Variants in HIBCH observed in about 807,000 individuals in gnomAD.
The protein encoded by HIBCH is 3-hydroxyisobutyryl-CoA hydrolase.
HIBCH carries 50 observed loss-of-function variants against 58.2 expected under a neutral mutation model. That is an observed-to-expected ratio of 0.86 (90% CI 0.68 to 1.09). The LOEUF (loss-of-function observed/expected upper bound fraction) is 1.09. Ranked by LOEUF, HIBCH falls within the 50% of genes least tolerant of loss-of-function variation. HIBCH has a pLI of 0.00. For missense variants in HIBCH, 450 were observed against 449.7 expected, an observed-to-expected ratio of 1.00 and a Z score of -0.01; for synonymous variants, 151 against 146.9, an observed-to-expected ratio of 1.03 and a Z score of -0.20.
chr2:190,245,989 CAAAAAAAAAAAAA>C (rs527873173), intron 10 of HIBCH, among the ~76,000 whole-genome samples, 152 bp downstream of exon 10: 1 of 60,276 alleles, frequency 1.7e-5, no homozygotes, highest in East Asian at 4.8e-4. Context: ...GACTCTGTCT[CAAAAAAAAAAAAA>C]AAAAAAGGAA....
At chr2:190,280,051 G>C (rs1382610473) in intron 6 of HIBCH, 1 of 151,850 alleles carries the variant, frequency 6.6e-6, no homozygotes, top group Non-Finnish European at 1.5e-5. Context: ...AGTAAAAATG[G>C]CCTGGCTGAG....
chr2:190,250,726 G>C (rs913275387), intron 8 of HIBCH, among the ~76,000 whole-genome samples: 2 of 152,094 alleles, frequency 1.3e-5, no homozygotes, highest in African/African-American at 4.8e-5. Context: ...TGATAGAAAG[G>C]CCTTCATAAC....
intron 13 of HIBCH, among the ~76,000 whole-genome samples, chr2:190,205,558 C>G (rs1690370331): frequency 6.6e-6 from 1 of 152,086 alleles, no homozygotes; most frequent in Admixed American, 6.6e-5. Flanking sequence ...GAAACCTCCA[C>G]ATTACAAAAC....
intron 9 of HIBCH, 51 bp downstream of exon 9, chr2:190,249,589 C>T: frequency 9.5e-7 from 1 of 1,050,474 alleles, no homozygotes; most frequent in Non-Finnish European, 1.5e-6. Flanking sequence ...TTTTTAATCA[C>T]TTCCCCTCCC....
chr2:190,263,203 T>C (rs1687141842), intron 6 of HIBCH, among the ~76,000 whole-genome samples: 2 of 152,212 alleles, frequency 1.3e-5, no homozygotes, highest in South Asian at 4.1e-4. Context: ...GCTAATTTTA[T>C]ACAGATTCAT....
chr2:190,248,671 G>A (rs1432600181), intron 9 of HIBCH, among the ~76,000 whole-genome samples: 1 of 152,008 alleles, frequency 6.6e-6, no homozygotes, highest in Non-Finnish European at 1.5e-5. Flanking sequence ...AAACCAGCCT[G>A]GCCAACATGG....
intron 9 of HIBCH, among the ~76,000 whole-genome samples, chr2:190,248,921 T>C (rs112266282): frequency 2.0e-5 from 3 of 152,044 alleles, no homozygotes; most frequent in South Asian, 2.1e-4. Flanking sequence ...TTCTGCCCCA[T>C]TCTACACCCT....
Position 190,317,887 on chromosome 2 carries a change from G to GCC in HIBCH, c.35+1828_35+1829insGG, listed in dbSNP as rs1688746563. Among the ~76,000 whole-genome samples the GCC allele has an allele frequency of 2.0e-5, 3 of 148,542 alleles. No individual in the cohort carries two copies. In the South Asian group the frequency reaches 6.5e-4, roughly 32 times the overall value. ...CGCCCAGGCTGGAGTGCAGTGGCATGATCTCGGCTCACTGCAACCTCCCCC... is the reference window on the plus strand; with the variant it reads ...CGCCCAGGCTGGAGTGCAGTGGCATGCCATCTCGGCTCACTGCAACCTCCCCC... On this transcript the variant is annotated intron_variant, in intron 1 of 13. Transcript: ENST00000359678.
At chr2:190,220,156 G>A (rs973607760) in intron 11 of HIBCH, 1 of 152,204 alleles carries the variant, frequency 6.6e-6, no homozygotes, top group Admixed American at 6.5e-5. Flanking sequence ...ATGTATCTAT[G>A]ATCGTGACTT....
intron 11 of HIBCH, chr2:190,213,483 A>G (rs1056681135): frequency 9.7e-6 from 2 of 206,486 alleles, no homozygotes; most frequent in Admixed American, 5.4e-5. Context: ...AGGTCAGCAA[A>G]CTACAGAAGA....
chr2:190,242,876 C>T (rs983135980), intron 11 of HIBCH, among the ~76,000 whole-genome samples: 2 of 152,146 alleles, frequency 1.3e-5, no homozygotes, highest in Non-Finnish European at 2.9e-5. Context: ...TTAAGTACTG[C>T]TAACTTTATG....
chr2:190,224,334 C>A (rs190053715), intron 11 of HIBCH, among the ~76,000 whole-genome samples: 19 of 151,904 alleles, frequency 1.3e-4, no homozygotes, highest in Admixed American at 3.9e-4. Context: ...GGGGTCAGGG[C>A]TTAGCAAATT....
Position 190,210,135 on chromosome 2 carries a change from T to C in HIBCH, c.1012-1222A>G, listed in dbSNP as rs1275402933. ...TTCTATCCTATTTCACTTTCAAGAG[T>C]ATTCATCTACACATATTCTCTCCAC... On this transcript the variant is annotated intron_variant, in intron 12 of 13. Transcript: ENST00000359678. The surrounding 1 kb of genome is among the most constrained non-coding windows in gnomAD (Gnocchi z 5.5). Among the ~76,000 whole-genome samples the C allele has an allele frequency of 6.6e-6, 1 of 151,762 alleles. No individual in the cohort carries two copies. The highest frequency in any genetic ancestry group is 1.5e-5 in the Non-Finnish European group (1 of 67,936).
At chr2:190,284,803 A>G (rs1328787616) in intron 6 of HIBCH, among the ~76,000 whole-genome samples, 1 of 152,088 alleles carries the variant, frequency 6.6e-6, no homozygotes, top group Admixed American at 6.6e-5. Context: ...GCTTTTATCT[A>G]GGTATGGGTC....
Position 190,227,004 on chromosome 2 carries a change from C to T in HIBCH, c.892-13929G>A, listed in dbSNP as rs1390933998. Among the ~76,000 whole-genome samples the T allele has an allele frequency of 2.6e-5, 4 of 152,230 alleles. No individual in the cohort carries two copies. In the East Asian group the frequency reaches 7.7e-4, roughly 29 times the overall value. On this transcript the variant is annotated intron_variant, in intron 11 of 13. Transcript: ENST00000359678. ...ATATCATGAAAATGGCCATACTGCC[C>T]AAGGTAATTTATAGATTCAATGCCA...
intron 11 of HIBCH, among the ~76,000 whole-genome samples, chr2:190,226,031 G>T (rs1156519342): frequency 6.6e-6 from 1 of 152,184 alleles, no homozygotes; most frequent in Admixed American, 6.5e-5. Flanking sequence ...AATAGATGCA[G>T]AAAAGGGCTT....
chr2:190,246,021 C>A, intron 10 of HIBCH, 133 bp downstream of exon 10: 1 of 556,474 alleles, frequency 1.8e-6, no homozygotes, highest in Non-Finnish European at 3.2e-6. Context: ...AAGGAAAGCT[C>A]TATACTTTCT....
chr2:190,292,746 G>C (rs1192522961), intron 4 of HIBCH, among the ~76,000 whole-genome samples: 2 of 152,134 alleles, frequency 1.3e-5, no homozygotes, highest in Non-Finnish European at 2.9e-5. Flanking sequence ...TCTTATCACT[G>C]CTTACCAATT....
intron 1 of HIBCH, among the ~76,000 whole-genome samples, chr2:190,190,872 C>T (rs936671001): frequency 2.6e-5 from 4 of 152,136 alleles, no homozygotes; most frequent in African/African-American, 7.2e-5. Context: ...CCACCACAAT[C>T]GGGATAAAGA....
Sources: gnomAD v4.1 joint callset for allele counts (sites outside exome capture counted in the v4.1 genomes callset) on GRCh38, gnomAD v4.1.1 for gene constraint, Gnocchi (gnomAD v3.1) non-coding constraint, MANE v1.5 for transcripts, NCBI Gene and HGNC (gene_info 2026-07-23, HGNC 2026-07-21) for gene names.